STEAP4: variants seen among roughly 807,000 people sequenced by gnomAD.
STEAP4 encodes the protein metalloreductase STEAP4.
A neutral mutation model predicts 43.6 loss-of-function variants in STEAP4; 36 were observed. That is an observed-to-expected ratio of 0.83 (90% CI 0.63 to 1.09). STEAP4 has a LOEUF of 1.09. Ranked by LOEUF, STEAP4 falls within the 50% of genes least tolerant of loss-of-function variation. STEAP4 has a pLI of 0.00. For missense variants in STEAP4, 495 were observed against 546.5 expected (o/e 0.91, Z 0.94); for synonymous variants, 191 against 196.7 (o/e 0.97, Z 0.24).
chr7:88,275,494 A>G lies in STEAP4; in HGVS notation c.*3904T>C, dbSNP rs1852499967. On this transcript the variant is annotated 3_prime_UTR_variant, in exon 5 of 5. Transcript: ENST00000380079. ...AACTTATACTCTTTTCCCAAATTCT[A>G]CTGAACAAACCTTTAGAAGAGTGAA... 6.6e-6 allele frequency: 1 copy of G among 152,104 alleles called. No homozygotes were observed. Among genetic ancestry groups the G allele is most frequent in the African/African-American group, 2.4e-5 (1 of 41,410 alleles). The allele number at this position is 152,104 out of a possible 1,614,324, so 9.4% of individuals were successfully genotyped here. A position where few individuals can be genotyped will look rare whatever the true frequency, so the allele number is the denominator to read the frequency against.
intron 1 of STEAP4, chr7:88,293,018 C>T (rs1301351163): frequency 6.6e-6 from 1 of 152,106 alleles, no homozygotes; most frequent in East Asian, 1.9e-4. Flanking sequence ...GTTTTCATTT[C>T]TCTGCGATAA....
chr7:88,297,966 A>C (rs566460705), intron 1 of STEAP4, among the ~76,000 whole-genome samples: 1 of 152,298 alleles, frequency 6.6e-6, no homozygotes, highest in African/African-American at 2.4e-5. Flanking sequence ...CATGAAGCCT[A>C]TTTTATAAGA....
chr7:88,289,583 A>G (rs1852802363), intron 1 of STEAP4, among the ~76,000 whole-genome samples: 1 of 152,220 alleles, frequency 6.6e-6, no homozygotes, highest in African/African-American at 2.4e-5. Context: ...GCCTCCATCA[A>G]AAGCAGAGCA....
At position 88,283,851 on chromosome 7, in the gene STEAP4, C is replaced by G; in HGVS notation, c.419G>C (p.Trp140Ser). 2 of 1,614,060 alleles carry G rather than the reference C, an allele frequency of 1.2e-6. No individual in the cohort carries two copies. The highest frequency in any genetic ancestry group is 2.2e-5 in the South Asian group (2 of 91,078). The change falls in exon 2 of 5, where the codon TGG becomes TCG. Residue 140 changes from tryptophan to serine, a missense_variant. Physicochemically the swap from Trp to Ser is radical, Grantham distance 177. Transcript: ENST00000380079. Reference protein sequence around the residue: ...VVKAFNTISAWALQSGALDAS... With the variant: ...VVKAFNTISASALQSGALDAS... ...ATCCAGTGCTCCTGACTGGAGAGCC[C>G]AGGCTGAGATGGTGTTAAATGCTTT...
intron 1 of STEAP4, among the ~76,000 whole-genome samples, chr7:88,294,681 T>TTTTTTTTTTTG (rs1563502414): frequency 6.6e-6 from 1 of 152,148 alleles, no homozygotes; most frequent in Non-Finnish European, 1.5e-5. Context: ...ATATCTCTTC[T>TTTTTTTTTTTG]AAATGGTGGT....
intron 1 of STEAP4, among the ~76,000 whole-genome samples, chr7:88,300,874 T>C (rs1397770969): frequency 6.8e-6 from 1 of 147,736 alleles, no homozygotes; most frequent in African/African-American, 2.4e-5. Flanking sequence ...ACAAGGCTCC[T>C]AAGTTCTTTA....
At chr7:88,280,303 A>C (rs1490762930) in intron 4 of STEAP4, among the ~76,000 whole-genome samples, 1 of 152,158 alleles carries the variant, frequency 6.6e-6, no homozygotes, top group African/African-American at 2.4e-5. Context: ...AGGCTCATTA[A>C]ATTTCTGGGC....
rs542903354 is a variant in STEAP4, at chr7:88,305,922, T to G, written c.-3+870A>C. Among the ~76,000 whole-genome samples the G allele has an allele frequency of 2.0e-5, 3 of 152,248 alleles. No homozygotes were observed. In the South Asian group the frequency reaches 6.2e-4, roughly 32 times the overall value. On this transcript the variant is annotated intron_variant, in intron 1 of 4. Transcript: ENST00000380079. ...TCTTCCTCCCCTCCCCCATTCTCTA[T>G]CCAATTCACTTTCTCAGCTCACTGC...
At chr7:88,300,082 G>A (rs1853005665) in intron 1 of STEAP4, among the ~76,000 whole-genome samples, 1 of 152,150 alleles carries the variant, frequency 6.6e-6, no homozygotes. Context: ...CTGACCTCAG[G>A]GGAGAAAGTG....
intron 1 of STEAP4, among the ~76,000 whole-genome samples, chr7:88,288,585 T>C (rs916491588): frequency 6.6e-6 from 1 of 152,142 alleles, no homozygotes; most frequent in Admixed American, 6.6e-5. Context: ...CATTAACAAA[T>C]AGTTGGACAA....
At chr7:88,288,050 T>C (rs1852765674) in intron 1 of STEAP4, among the ~76,000 whole-genome samples, 1 of 152,212 alleles carries the variant, frequency 6.6e-6, no homozygotes, top group Non-Finnish European at 1.5e-5. Context: ...TTTCTTCAGT[T>C]AGAATTTTTG....
At position 88,272,588 on chromosome 7, in the gene STEAP4, T is replaced by G. The variant is rs1287070242; in HGVS notation, c.*6810A>C. 6.6e-6 allele frequency: 1 copy of G among 152,220 alleles called. No homozygotes were observed. The highest frequency in any genetic ancestry group is 1.5e-5 in the Non-Finnish European group (1 of 68,060). 9.4% of individuals were successfully genotyped at this position (152,220 alleles called of 1,614,324 possible). A position where few individuals can be genotyped will look rare whatever the true frequency, so the allele number is the denominator to read the frequency against. ...TGTTTTTTACCAGTCTGTGATAAATTCAGAAATTGGGGTGAAAAGTTTAGA... is the reference window on the plus strand; with the variant it reads ...TGTTTTTTACCAGTCTGTGATAAATGCAGAAATTGGGGTGAAAAGTTTAGA... On this transcript the variant is annotated 3_prime_UTR_variant, in exon 5 of 5. Coordinates refer to ENST00000380079, the MANE Select transcript of STEAP4 (RefSeq NM_024636.4).
intron 1 of STEAP4, among the ~76,000 whole-genome samples, chr7:88,302,171 T>G (rs1458940518): frequency 6.6e-6 from 1 of 152,258 alleles, no homozygotes; most frequent in Non-Finnish European, 1.5e-5. Context: ...ACTCATTATG[T>G]ACTATGTCCA....
chr7:88,294,012 T>C (rs1003209078), intron 1 of STEAP4, among the ~76,000 whole-genome samples: 1 of 152,146 alleles, frequency 6.6e-6, no homozygotes, highest in Non-Finnish European at 1.5e-5. Context: ...CTTAAAAATA[T>C]TCCAAAACTT....
At chr7:88,285,244 T>C (rs1007973965) in intron 1 of STEAP4, among the ~76,000 whole-genome samples, 5 of 152,142 alleles carry the variant, frequency 3.3e-5, no homozygotes, top group Non-Finnish European at 7.4e-5. Flanking sequence ...ATCCTACTTA[T>C]AGCTGCAACA....
At chr7:88,286,764 AACACACACACACACAC>A (rs61360123) in intron 1 of STEAP4, among the ~76,000 whole-genome samples, 12 of 133,768 alleles carry the variant, frequency 9.0e-5, no homozygotes, top group African/African-American at 1.7e-4. Context: ...CATACATATA[AACACACACACACACAC>A]ACACACACAC....
chr7:88,286,277 T>C (rs1003167190), intron 1 of STEAP4, among the ~76,000 whole-genome samples: 3 of 152,236 alleles, frequency 2.0e-5, no homozygotes, highest in African/African-American at 4.8e-5. Context: ...ATTAGAATTA[T>C]AGAAATCTTA....
intron 1 of STEAP4, among the ~76,000 whole-genome samples, chr7:88,285,677 G>T (rs182189794): frequency 1.3e-4 from 19 of 149,466 alleles, no homozygotes; most frequent in African/African-American, 4.7e-4. Flanking sequence ...TTAGCTGGGT[G>T]TGTTGACACG....
chr7:88,297,709 C>T (rs767642321), intron 1 of STEAP4, among the ~76,000 whole-genome samples: 22 of 151,970 alleles, frequency 1.4e-4, no homozygotes, highest in Non-Finnish European at 2.6e-4. Context: ...GGTGAGTTTT[C>T]CAGGCAGGGG....
Sources: allele counts gnomAD v4.1 joint callset (sites outside exome capture counted in the v4.1 genomes callset), GRCh38; gene constraint gnomAD v4.1.1; transcripts MANE v1.5; gene names NCBI Gene and HGNC (gene_info 2026-07-23, HGNC 2026-07-21).